Variants in GSE1 observed in about 807,000 individuals in gnomAD.
GSE1 encodes genetic suppressor element 1.
GSE1 carries 32 observed loss-of-function variants against 112.6 expected under a neutral mutation model. The observed-to-expected ratio is 0.28, with a 90% CI of 0.21 to 0.38. GSE1 has a LOEUF of 0.38. Among genes scored for constraint, GSE1 ranks in the 10% least tolerant of loss-of-function variants. GSE1 has a pLI of 1.00. For synonymous variants in GSE1, 1,115 were observed against 735.6 expected, an observed-to-expected ratio of 1.52 and a Z score of -8.35; for missense variants, 2,348 against 1,699.2, an observed-to-expected ratio of 1.38 and a Z score of -6.71.
At chr16:85,536,837 C>A (rs1161945770) in intron 2 of GSE1, among the ~76,000 whole-genome samples, 1 of 152,226 alleles carries the variant, frequency 6.6e-6, no homozygotes, top group Non-Finnish European at 1.5e-5. Context: ...AGGGATGGGG[C>A]TGCTGTCAGG....
intron 1 of GSE1, among the ~76,000 whole-genome samples, chr16:85,625,895 G>A (rs989292051): frequency 3.9e-5 from 6 of 152,142 alleles, no homozygotes; most frequent in South Asian, 2.1e-4. Context: ...AGGTCTACAC[G>A]GGCCAGGCGC....
intron 1 of GSE1, among the ~76,000 whole-genome samples, chr16:85,205,760 C>T (rs2075103886): frequency 6.6e-6 from 1 of 152,196 alleles, no homozygotes; most frequent in Non-Finnish European, 1.5e-5. Flanking sequence ...GAGCGGGACC[C>T]AGGGGCCCAT....
upstream of GSE1, among the ~76,000 whole-genome samples, chr16:85,607,278 G>A (rs568042812): frequency 8.5e-5 from 13 of 152,238 alleles, no homozygotes; most frequent in African/African-American, 3.1e-4. Context: ...GCTGGGGGGC[G>A]GTTGGTAGCA....
chr16:85,298,790 C>T (rs1489052237), intron 1 of GSE1, among the ~76,000 whole-genome samples: 1 of 152,364 alleles, frequency 6.6e-6, no homozygotes, highest in African/African-American at 2.4e-5. Context: ...TGGGCCAGGA[C>T]CGCATTGTGA....
rs1004336013 is a variant in GSE1, at chr16:85,661,557, C to T, written c.2052C>T (p.Thr684=). ...FLAELEKSTQ[T]ILGQQRASLP... ...CTGAGCTCGAGAAGTCCACCCAGAC[C>T]ATCCTGGGCCAGCAGCGGGCCTCCC... The change falls in exon 9 of 16, where the codon ACC becomes ACT. Residue 684 remains threonine, a synonymous_variant. Coordinates refer to ENST00000253458, the MANE Select transcript of GSE1 (RefSeq NM_014615.5). 6.2e-7 allele frequency: 1 copy of T among 1,611,664 alleles called. No homozygotes were observed. The highest frequency in any genetic ancestry group is 1.7e-5 in the Admixed American group (1 of 59,938).
chr16:85,251,269 C>T lies in GSE1; in HGVS notation c.2283+79462C>T, dbSNP rs114341565. 2.5e-3 allele frequency among the ~76,000 whole-genome samples: 379 copies of T among 152,222 alleles called. 2 individuals are homozygous for T. Among genetic ancestry groups the T allele is most frequent in the African/African-American group, 8.4e-3 (348 of 41,532 alleles). ...GCCCTCAGGCTGCTTTGTCCTCCCA[C>T]GGATGCCCTCAAGGTGACAAAGCCT... On this transcript the variant is annotated intron_variant, in intron 1 of 2. Coordinates refer to the GSE1 transcript ENST00000637419.
chr16:85,546,306 G>T (rs1231178115), intron 2 of GSE1, among the ~76,000 whole-genome samples: 1 of 152,152 alleles, frequency 6.6e-6, no homozygotes, highest in African/African-American at 2.4e-5. Flanking sequence ...GGCTGGTCTC[G>T]AACTTGTGGC....
intron 1 of GSE1, among the ~76,000 whole-genome samples, chr16:85,290,370 C>T (rs1156853189): frequency 1.3e-5 from 2 of 152,250 alleles, no homozygotes; most frequent in African/African-American, 4.8e-5. Context: ...CCCATGACCT[C>T]CAGTGAGCTC....
chr16:85,655,475 C>G (rs1169159788), intron 5 of GSE1, among the ~76,000 whole-genome samples: 1 of 152,214 alleles, frequency 6.6e-6, no homozygotes, highest in Non-Finnish European at 1.5e-5. Flanking sequence ...CGCTTGACCA[C>G]TCTGTGCTGG....
At chr16:85,501,300 C>G (rs776258278) in intron 2 of GSE1, among the ~76,000 whole-genome samples, 3 of 151,934 alleles carry the variant, frequency 2.0e-5, no homozygotes, top group African/African-American at 4.8e-5. Context: ...CCGCACCCAG[C>G]CAAGTATGGC....
intron 1 of GSE1, among the ~76,000 whole-genome samples, chr16:85,215,442 C>T (rs1023394757): frequency 2.0e-5 from 3 of 152,096 alleles, no homozygotes; most frequent in Non-Finnish European, 4.4e-5. Context: ...AAAACTACAC[C>T]TTAGATACAG....
intron 2 of GSE1, among the ~76,000 whole-genome samples, chr16:85,549,395 T>G (rs2044824119): frequency 6.6e-6 from 1 of 152,102 alleles, no homozygotes; most frequent in Non-Finnish European, 1.5e-5. Context: ...CAGGCTGGTC[T>G]TGGAACTCCT....
At chr16:85,424,981 G>T (rs2048935155) in intron 2 of GSE1, among the ~76,000 whole-genome samples, 1 of 152,270 alleles carries the variant, frequency 6.6e-6, no homozygotes, top group Admixed American at 6.5e-5. Flanking sequence ...TCCCATGCCA[G>T]GCAGCTGGAG....
intron 2 of GSE1, among the ~76,000 whole-genome samples, chr16:85,428,777 C>T (rs183070383): frequency 1.0e-3 from 153 of 152,290 alleles, no homozygotes; most frequent in South Asian, 2.7e-3. Flanking sequence ...ACCAGGGGTC[C>T]AGTGGGTGGG....
At chr16:85,671,130 A>G in intron 15 of GSE1, 32 bp downstream of exon 15, 1 of 1,248,912 alleles carries the variant, frequency 8.0e-7, no homozygotes, top group East Asian at 2.3e-5. Flanking sequence ...ACCTTCAAAC[A>G]CGCAACCTTT....
intron 1 of GSE1, among the ~76,000 whole-genome samples, chr16:85,245,099 C>T (rs562373392): frequency 4.1e-4 from 63 of 152,088 alleles, no homozygotes; most frequent in Non-Finnish European, 6.3e-4. Flanking sequence ...GAGTTCAGGG[C>T]TGCAGTAAGC....
chr16:85,601,835 C>CT (rs2047479293), intron 1 of GSE1, among the ~76,000 whole-genome samples: 1 of 152,220 alleles, frequency 6.6e-6, no homozygotes, highest in African/African-American at 2.4e-5. Flanking sequence ...GAGGGCAGAG[C>CT]TGCCCTGGAC....
chr16:85,230,966 TGGAC>T (rs778291130), intron 1 of GSE1, among the ~76,000 whole-genome samples: 5 of 150,876 alleles, frequency 3.3e-5, no homozygotes, highest in Non-Finnish European at 5.9e-5. Context: ...GATAGATGGA[TGGAC>T]GGACGGACGG....
intron 2 of GSE1, among the ~76,000 whole-genome samples, chr16:85,646,892 A>AGGGG (rs55946477): frequency 2.3e-5 from 3 of 128,920 alleles, no homozygotes; most frequent in Non-Finnish European, 3.4e-5. Context: ...CCCCACAACA[A>AGGGG]GGGGGGGGGT....
Sources: allele counts gnomAD v4.1 joint callset (sites outside exome capture counted in the v4.1 genomes callset), GRCh38; gene constraint gnomAD v4.1.1; transcripts MANE v1.5; gene names NCBI Gene and HGNC (gene_info 2026-07-23, HGNC 2026-07-21).